Variants in FAM13A observed in about 807,000 individuals in gnomAD.
FAM13A encodes family with sequence similarity 13 member A.
A neutral mutation model predicts 129.6 loss-of-function variants in FAM13A; 76 were observed. That is an observed-to-expected ratio of 0.59 (90% CI 0.49 to 0.71). The LOEUF is 0.71. Ranked by LOEUF, FAM13A falls within the 30% of genes least tolerant of loss-of-function variation. The probability of loss-of-function intolerance (pLI) is 0.00; values close to 1 mark genes in which losing one functional copy is unlikely to be tolerated. For synonymous variants in FAM13A, 443 were observed against 449.9 expected (o/e 0.98, Z 0.20); for missense variants, 1,108 against 1,249.3 (o/e 0.89, Z 1.70).
intron 6 of FAM13A, among the ~76,000 whole-genome samples, chr4:88,870,549 G>A (rs1741192290): frequency 6.6e-6 from 1 of 152,208 alleles, no homozygotes; most frequent in Non-Finnish European, 1.5e-5. Context: ...CAGTGTCTGA[G>A]ATTGAACTGC....
At chr4:88,917,904 C>A (rs764850671) in intron 5 of FAM13A, among the ~76,000 whole-genome samples, 3 of 152,146 alleles carry the variant, frequency 2.0e-5, no homozygotes, top group Non-Finnish European at 4.4e-5. Context: ...CAATCAGATA[C>A]CCATTCACTA....
rs1176012588 is a variant in FAM13A, at chr4:88,758,811, C to G, written c.1669G>C (p.Val557Leu). Reference sequence around the variant, plus strand: ...AGGTCCGACTGGGGCACTTCGGAGACAAAGCTCTCCTCCTGGTCACCGGCA... The same window carrying G: ...AGGTCCGACTGGGGCACTTCGGAGAGAAAGCTCTCCTCCTGGTCACCGGCA... ...QDAGDQEESF[V>L]SEVPQSDLTA... The change falls in exon 14 of 24, where the codon GTC (valine) becomes CTC (leucine). Residue 557 changes from valine to leucine, a missense_variant. Physicochemically the swap from Val to Leu is conservative, Grantham distance 32 (BLOSUM62 1). Around this residue, in one of 3 missense-constraint regions of FAM13A, gnomAD observed 529 missense variants for 621.2 expected, o/e 0.85. Transcript: ENST00000264344. 6.2e-7 allele frequency: 1 copy of G among 1,613,946 alleles called. No homozygotes were observed. The highest frequency in any genetic ancestry group is 2.2e-5 in the East Asian group (1 of 44,892).
intron 1 of FAM13A, among the ~76,000 whole-genome samples, chr4:89,056,632 C>T (rs779013409): frequency 2.0e-5 from 3 of 152,184 alleles, no homozygotes; most frequent in Non-Finnish European, 4.4e-5. Context: ...TCATGTTTAA[C>T]TATTCAGGGA....
intron 6 of FAM13A, among the ~76,000 whole-genome samples, chr4:88,864,284 TGATAG>T (rs1211311532): frequency 6.6e-6 from 1 of 152,238 alleles, no homozygotes; most frequent in Admixed American, 6.5e-5. Context: ...GATTAGTGTT[TGATAG>T]GTAGATGTGG....
intron 7 of FAM13A, among the ~76,000 whole-genome samples, chr4:88,827,352 C>T (rs562733422): frequency 1.3e-5 from 2 of 152,308 alleles, no homozygotes; most frequent in East Asian, 1.9e-4. Flanking sequence ...AAATTGGGCG[C>T]TGCAATTACA....
intron 4 of FAM13A, among the ~76,000 whole-genome samples, chr4:88,967,785 A>C (rs1479580821): frequency 6.6e-6 from 1 of 152,200 alleles, no homozygotes; most frequent in Non-Finnish European, 1.5e-5. Flanking sequence ...TGTGGGCAGG[A>C]GGTTGGTAAT....
At chr4:88,876,887 A>G (rs940847359) in intron 6 of FAM13A, among the ~76,000 whole-genome samples, 1 of 152,254 alleles carries the variant, frequency 6.6e-6, no homozygotes, top group Non-Finnish European at 1.5e-5. Flanking sequence ...CACCGCGCCC[A>G]GACCGCGTCA....
intron 4 of FAM13A, among the ~76,000 whole-genome samples, chr4:88,978,532 G>C (rs1921686): frequency 7.9e-5 from 12 of 152,182 alleles, no homozygotes; most frequent in Admixed American, 3.3e-4. Context: ...CAGTGGCTCA[G>C]GCCTGTAATC....
intron 23 of FAM13A, among the ~76,000 whole-genome samples, chr4:88,730,550 C>T (rs756310634): frequency 6.6e-6 from 1 of 151,848 alleles, no homozygotes; most frequent in Admixed American, 6.6e-5. Flanking sequence ...GCTACTGCAC[C>T]CGGCTAATTT....
intron 14 of FAM13A, among the ~76,000 whole-genome samples, chr4:88,753,165 T>C (rs535360059): frequency 6.6e-6 from 1 of 152,380 alleles, no homozygotes; most frequent in Non-Finnish European, 1.5e-5. Flanking sequence ...TAACTCATCT[T>C]TAAGTTTTCA....
chr4:89,011,833 T>A (rs1405653418), intron 3 of FAM13A, among the ~76,000 whole-genome samples: 5 of 152,234 alleles, frequency 3.3e-5, no homozygotes, highest in Non-Finnish European at 7.3e-5. Context: ...TCCCTCCTTG[T>A]TAGTTACCAC....
At chr4:88,821,473 T>G (rs1475189608) in intron 7 of FAM13A, among the ~76,000 whole-genome samples, 1 of 152,232 alleles carries the variant, frequency 6.6e-6, no homozygotes, top group East Asian at 1.9e-4. Flanking sequence ...GATGGTTTTA[T>G]TTTAGCTTTA....
chr4:88,979,484 C>G (rs1471532435), intron 4 of FAM13A, among the ~76,000 whole-genome samples: 1 of 152,190 alleles, frequency 6.6e-6, no homozygotes, highest in African/African-American at 2.4e-5. Flanking sequence ...CTGACTCTAA[C>G]CTCTTACTAG....
intron 4 of FAM13A, among the ~76,000 whole-genome samples, chr4:88,965,295 G>A (rs1053553681): frequency 1.3e-5 from 2 of 152,168 alleles, no homozygotes; most frequent in African/African-American, 4.8e-5. Context: ...TAGACTCTGG[G>A]TTTGTTGCTG....
intron 7 of FAM13A, among the ~76,000 whole-genome samples, chr4:88,834,853 T>C (rs1170778160): frequency 6.6e-6 from 1 of 152,132 alleles, no homozygotes; most frequent in Non-Finnish European, 1.5e-5. Context: ...CTATTATCTC[T>C]CTCTTCCTTC....
At position 88,781,975 on chromosome 4, in the gene FAM13A, A is replaced by G. The variant is rs528376075; in HGVS notation, c.1272-624T>C. Reference sequence around the variant, plus strand: ...CTGCACATTGTGCACATGTACCCTAAAACTTAAAGTATAATGATAATAAAA... The same window carrying G: ...CTGCACATTGTGCACATGTACCCTAGAACTTAAAGTATAATGATAATAAAA... On this transcript the variant is annotated intron_variant, in intron 10 of 23. Coordinates refer to ENST00000264344, the MANE Select transcript of FAM13A (RefSeq NM_014883.4). Among the ~76,000 whole-genome samples, 175 of 149,880 alleles carry G rather than the reference A, an allele frequency of 1.2e-3. 1 individual carries two copies. Among genetic ancestry groups the G allele is most frequent in the Non-Finnish European group, 1.5e-3 (99 of 67,484 alleles).
At chr4:89,030,268 C>A (rs1579849705) in intron 1 of FAM13A, among the ~76,000 whole-genome samples, 1 of 151,996 alleles carries the variant, frequency 6.6e-6, no homozygotes, top group East Asian at 1.9e-4. Context: ...TTAAATTTTT[C>A]AACAAGATTG....
At chr4:88,915,024 G>C (rs1370585182) in intron 5 of FAM13A, among the ~76,000 whole-genome samples, 1 of 152,188 alleles carries the variant, frequency 6.6e-6, no homozygotes, top group Admixed American at 6.5e-5. Flanking sequence ...GATTTGGTCA[G>C]ATTTGGTGAT....
chr4:88,809,724 T>G (rs1038308109), intron 7 of FAM13A, among the ~76,000 whole-genome samples: 1 of 152,074 alleles, frequency 6.6e-6, no homozygotes, highest in Non-Finnish European at 1.5e-5. Context: ...CACATGTACT[T>G]GAGCATTTTC....
Sources: allele counts gnomAD v4.1 joint callset (sites outside exome capture counted in the v4.1 genomes callset), GRCh38; gene constraint gnomAD v4.1.1; regional missense constraint gnomAD v4.1.1; transcripts MANE v1.5; gene names NCBI Gene and HGNC (gene_info 2026-07-23, HGNC 2026-07-21).